Variants in DLG4 observed in about 807,000 individuals in gnomAD.
The protein encoded by DLG4 is discs large MAGUK scaffold protein 4.
Under a neutral mutation model 93.8 loss-of-function variants are expected in DLG4, and 7 were observed. That is an observed-to-expected ratio of 0.07 (90% CI 0.04 to 0.14). The LOEUF (loss-of-function observed/expected upper bound fraction) is 0.14, where lower values mean the gene tolerates loss of function less well. DLG4 is among the 10% of genes least tolerant of loss of function. The pLI is 1.00. For synonymous variants in DLG4, 341 were observed against 387.6 expected (o/e 0.88, Z 1.41); for missense variants, 545 against 992.9 (o/e 0.55, Z 6.06).
upstream of DLG4, chr17:7,219,807 G>A (rs2071092571): frequency 2.6e-6 from 4 of 1,526,556 alleles, no homozygotes; most frequent in South Asian, 3.6e-5. Flanking sequence ...CTAAGTCAGC[G>A]GAACGCAGGG....
In DLG4 at chr17:7,196,391, C is replaced by T; in HGVS notation, c.1187-57G>A. The T allele has an allele frequency of 1.9e-6, 3 of 1,609,488 alleles. No homozygotes were observed. Among genetic ancestry groups the T allele is most frequent in the Non-Finnish European group, 2.6e-6 (3 of 1,175,872 alleles). ...GTCCCCATCCTACTGTCACCCCTGT[C>T]CTCCCCTACTGAAGCCATCAGCTGA... On this transcript the variant is annotated intron_variant, in intron 10 of 19. Transcript: ENST00000399506. The surrounding 1 kb of genome is among the most constrained non-coding windows in gnomAD (Gnocchi z 8.3).
chr17:7,216,707 C>A (rs963374382), intron 1 of DLG4, among the ~76,000 whole-genome samples: 30 of 152,012 alleles, frequency 2.0e-4, no homozygotes, highest in Admixed American at 6.6e-4. Context: ...CCCCCCAAAA[C>A]TGGACAAGGC....
At chr17:7,216,157 G>A (rs1488317537) in intron 1 of DLG4, among the ~76,000 whole-genome samples, 2 of 151,810 alleles carry the variant, frequency 1.3e-5, no homozygotes, top group Admixed American at 1.3e-4. Context: ...TAAGCCCTCA[G>A]GGACCCTTAA....
At chr17:7,219,890 A>T, upstream of DLG4, 2 of 1,523,180 alleles carry the variant, frequency 1.3e-6, no homozygotes, top group East Asian at 4.9e-5. Flanking sequence ...TGCACTGTGG[A>T]CGATGAGTCA....
At chr17:7,192,831 T>G in intron 17 of DLG4, 114 bp downstream of exon 17, 3 of 1,184,444 alleles carry the variant, frequency 2.5e-6, no homozygotes, top group Non-Finnish European at 3.5e-6. Flanking sequence ...AGGAGCGGAG[T>G]GGAGACCCAG....
intron 1 of DLG4, among the ~76,000 whole-genome samples, chr17:7,215,601 G>A (rs2070876299): frequency 6.6e-6 from 1 of 152,180 alleles, no homozygotes; most frequent in African/African-American, 2.4e-5. Context: ...GGGATGTGGG[G>A]AAGAGGCAGC....
intron 2 of DLG4, among the ~76,000 whole-genome samples, chr17:7,206,026 C>T (rs139192143): frequency 2.2e-4 from 33 of 152,004 alleles, no homozygotes; most frequent in African/African-American, 7.0e-4. Flanking sequence ...ATTCTCCATC[C>T]GCTTCCCTGG....
intron 19 of DLG4, 101 bp from the exon 20 acceptor site, chr17:7,190,915 C>T: frequency 1.2e-6 from 1 of 867,878 alleles, no homozygotes; most frequent in Non-Finnish European, 1.9e-6. Flanking sequence ...CTCTTTCCAA[C>T]TCTCCAAGCC....
chr17:7,191,202 G>T lies in DLG4; in HGVS notation c.2068+65C>A. On this transcript the variant is annotated intron_variant, in intron 19 of 19. Coordinates refer to ENST00000399506, the MANE Select transcript of DLG4 (RefSeq NM_001321075.3). The surrounding 1 kb of genome is among the most constrained non-coding windows in gnomAD (Gnocchi z 6.6). ...CTAAGCCATCCACTGGGGGTGGCGG[G>T]GGAGCTCTTTCTAATCCGAGCAAGG... is the stretch of plus-strand genomic sequence containing the variant. 6.6e-7 allele frequency: 1 copy of T among 1,506,374 alleles called. No individual in the cohort carries two copies. The highest frequency in any genetic ancestry group is 1.1e-5 in the South Asian group (1 of 88,310). 93.3% of individuals were successfully genotyped at this position (1,506,374 alleles called of 1,614,324 possible).
chr17:7,192,798 T>A (rs1403349088), intron 17 of DLG4, 147 bp downstream of exon 17: 1 of 861,838 alleles, frequency 1.2e-6, no homozygotes, highest in African/African-American at 1.7e-5. Context: ...CAGACAGAGT[T>A]GCCCAAGAGG....
chr17:7,211,190 G>GA (rs1192916876), intron 1 of DLG4, among the ~76,000 whole-genome samples: 3 of 150,674 alleles, frequency 2.0e-5, no homozygotes, highest in Non-Finnish European at 4.4e-5. Context: ...GGCGGTGGGG[G>GA]ATCAGCACCT....
rs2069646021 is a variant in DLG4, at chr17:7,194,140, C to T, written c.1479-140G>A. 7.4e-7 allele frequency: 1 copy of T among 1,346,354 alleles called. No individual in the cohort carries two copies. The highest frequency in any genetic ancestry group is 1.5e-5 in the African/African-American group (1 of 68,732). The allele number at this position is 1,346,354 out of a possible 1,614,324, so 83.4% of individuals were successfully genotyped here. A position where few individuals can be genotyped will look rare whatever the true frequency, so the allele number is the denominator to read the frequency against. The stretch of plus-strand genomic sequence containing the variant: ...CTCCTGCAGCCCTGGACACTGTGCT[C>T]CTCAATAAGGAGTTGTCCTTCCCAA... On this transcript the variant is annotated intron_variant, in intron 12 of 19. Coordinates refer to ENST00000399506, the MANE Select transcript of DLG4 (RefSeq NM_001321075.3). This position sits in a 1 kb window ranked among gnomAD's most constrained non-coding sequence, Gnocchi z 4.4.
At chr17:7,212,950 T>C (rs1368891515) in intron 1 of DLG4, among the ~76,000 whole-genome samples, 1 of 152,140 alleles carries the variant, frequency 6.6e-6, no homozygotes, top group African/African-American at 2.4e-5. Flanking sequence ...GGAGGATGGC[T>C]TGAATCTGGG....
chr17:7,205,034 C>T (rs913922973), intron 2 of DLG4: 3 of 985,508 alleles, frequency 3.0e-6, no homozygotes, highest in Non-Finnish European at 3.6e-6. Flanking sequence ...GATCCGCTAG[C>T]CCCGCCTCTC....
chr17:7,188,892 ACCTG>A lies in DLG4; in HGVS notation c.*1812_*1815del, dbSNP rs2069366281. On this transcript the variant is annotated 3_prime_UTR_variant, in exon 20 of 20. Transcript: ENST00000399506. ...TGTGGGAGGCCAAGCTGGGCGGATC[ACCTG>A]AGGTCAGGAGTTCGAGACCAGCCTG... 1.3e-5 allele frequency among the ~76,000 whole-genome samples: 2 copies of A among 152,118 alleles called. No homozygotes were observed. The highest frequency in any genetic ancestry group is 2.9e-5 in the Non-Finnish European group (2 of 68,008).
chr17:7,218,889 A>T (rs1220012713), upstream of DLG4: 1 of 1,610,056 alleles, frequency 6.2e-7, no homozygotes, highest in Non-Finnish European at 8.5e-7. Context: ...ATCCTCCAGG[A>T]TTGGAGTTGA....
Position 7,205,264 on chromosome 17 carries a change from G to A in DLG4, c.97-1012C>T, listed in dbSNP as rs1052576473. On this transcript the variant is annotated intron_variant, in intron 2 of 19. Coordinates refer to ENST00000399506, the MANE Select transcript of DLG4 (RefSeq NM_001321075.3). ...CCACTTCATTCGGGAAAGGGTTAAA[G>A]TGGGGCGTGCCCAGGTCCCTGACGT... 1.5e-5 allele frequency: 12 copies of A among 797,748 alleles called. No individual in the cohort carries two copies. In the African/African-American group the frequency reaches 2.1e-4, roughly 14 times the overall value. The allele number at this position is 797,748 out of a possible 1,614,324, so 49.4% of individuals were successfully genotyped here. A position where few individuals can be genotyped will look rare whatever the true frequency, so the allele number is the denominator to read the frequency against.
At chr17:7,215,665 G>A (rs2070878809) in intron 1 of DLG4, among the ~76,000 whole-genome samples, 2 of 152,144 alleles carry the variant, frequency 1.3e-5, no homozygotes, top group South Asian at 4.1e-4. Context: ...CGCCCTGGTG[G>A]AGAGAGGGTG....
intron 1 of DLG4, among the ~76,000 whole-genome samples, chr17:7,209,773 AAGAG>A (rs1393888549): frequency 6.6e-6 from 1 of 151,906 alleles, no homozygotes; most frequent in Non-Finnish European, 1.5e-5. Flanking sequence ...CTGTCTCAAA[AAGAG>A]AGAGAGGCCA....
Sources: allele counts gnomAD v4.1 joint callset (sites outside exome capture counted in the v4.1 genomes callset), GRCh38; gene constraint gnomAD v4.1.1; non-coding constraint Gnocchi (gnomAD v3.1); transcripts MANE v1.5; gene names NCBI Gene and HGNC (gene_info 2026-07-23, HGNC 2026-07-21).